Variants in RASGRP1 observed in about 807,000 individuals in gnomAD.
RASGRP1 encodes RAS guanyl-releasing protein 1.
In RASGRP1, 37 loss-of-function variants were observed where a neutral mutation model predicts 95.1. That is an observed-to-expected ratio of 0.39 (90% CI 0.30 to 0.51). The LOEUF (loss-of-function observed/expected upper bound fraction) is 0.51, where lower values mean the gene tolerates loss of function less well. RASGRP1 is among the 20% of genes least tolerant of loss of function. The pLI is 0.80. For missense variants in RASGRP1, 711 were observed against 965.4 expected, an observed-to-expected ratio of 0.74 and a Z score of 3.49; for synonymous variants, 325 against 353.4, an observed-to-expected ratio of 0.92 and a Z score of 0.90.
At position 38,503,435 on chromosome 15, in the gene RASGRP1, C is replaced by T. The variant is rs1474613840; in HGVS notation, c.1324-59G>A. ...TACAATGCAATATTATAACCTATAG[C>T]TCTTTCTTTTCCCACTACCTGACGG... On this transcript the variant is annotated intron_variant, in intron 10 of 16. Coordinates refer to ENST00000310803, the MANE Select transcript of RASGRP1 (RefSeq NM_005739.4). 6 of 1,286,128 alleles carry T rather than the reference C, an allele frequency of 4.7e-6. No homozygotes were observed. The African/African-American group carries it at 5.9e-5, about 13-fold the overall frequency. 79.7% of individuals were successfully genotyped at this position (1,286,128 alleles called of 1,614,324 possible). A position where few individuals can be genotyped will look rare whatever the true frequency, so the allele number is the denominator to read the frequency against.
chr15:38,537,992 G>A (rs542321304), intron 2 of RASGRP1, among the ~76,000 whole-genome samples: 4 of 152,284 alleles, frequency 2.6e-5, no homozygotes, highest in East Asian at 1.9e-4. Context: ...GGCTGGGCAC[G>A]GTGGCTCATG....
intron 6 of RASGRP1, among the ~76,000 whole-genome samples, chr15:38,514,993 G>C (rs963834279): frequency 2.6e-5 from 4 of 152,332 alleles, no homozygotes; most frequent in Admixed American, 2.6e-4. Flanking sequence ...GGGGTGCAGA[G>C]AATGGAGAGT....
At chr15:38,539,982 T>A (rs1892802687) in intron 2 of RASGRP1, among the ~76,000 whole-genome samples, 1 of 152,204 alleles carries the variant, frequency 6.6e-6, no homozygotes, top group African/African-American at 2.4e-5. Flanking sequence ...AGTGGTATAA[T>A]CATGGCTCAC....
At chr15:38,501,000 C>T (rs892101500) in intron 13 of RASGRP1, 143 bp downstream of exon 13, 17 of 986,188 alleles carry the variant, frequency 1.7e-5, no homozygotes, top group Admixed American at 3.0e-5. Flanking sequence ...AAAAACCACA[C>T]GCTTGAGCTC....
Position 38,559,988 on chromosome 15 carries a change from C to A in RASGRP1, c.53G>T (p.Cys18Phe). Residue 18 changes from cysteine (C) to phenylalanine (F), a missense_variant, in exon 2 of 17, where the codon TGC (cysteine) becomes TTC (phenylalanine). This residue lies in a region of RASGRP1 where 491 missense variants were observed against 676.6 expected (regional missense o/e 0.73). Transcript: ENST00000310803. Reference protein sequence around the residue: ...REAPRKPSHGCRAASKARLEA... With the variant: ...REAPRKPSHGFRAASKARLEA... ...TAGTCTTGCTTTAGAGGCAGCTCTG[C>A]AGCCATGGGAAGGTTTCCTGGGGAA... The A allele has an allele frequency of 1.2e-6, 2 of 1,612,072 alleles. No homozygotes were observed. Among genetic ancestry groups the A allele is most frequent in the Non-Finnish European group, 1.7e-6 (2 of 1,179,092 alleles).
At chr15:38,512,280 A>G (rs1007219654) in intron 7 of RASGRP1, among the ~76,000 whole-genome samples, 2 of 152,246 alleles carry the variant, frequency 1.3e-5, no homozygotes. Flanking sequence ...TATATAGGAC[A>G]GTAACTGGGA....
At chr15:38,508,960 A>G (rs1047489075) in intron 8 of RASGRP1, among the ~76,000 whole-genome samples, 4 of 152,218 alleles carry the variant, frequency 2.6e-5, no homozygotes, top group Non-Finnish European at 5.9e-5. Context: ...GTGCATAGTA[A>G]CAAACCCGAT....
chr15:38,491,685 A>C (rs535427708), intron 16 of RASGRP1, among the ~76,000 whole-genome samples: 2 of 152,210 alleles, frequency 1.3e-5, no homozygotes, highest in Non-Finnish European at 2.9e-5. Flanking sequence ...AATTACACAT[A>C]GACTAGTCAT....
chr15:38,546,632 A>G (rs1394860895), intron 2 of RASGRP1, among the ~76,000 whole-genome samples: 1 of 152,188 alleles, frequency 6.6e-6, no homozygotes, highest in African/African-American at 2.4e-5. Context: ...ACATTAAGAC[A>G]CCGGCTAAGG....
intron 6 of RASGRP1, among the ~76,000 whole-genome samples, chr15:38,515,605 A>G (rs1406120141): frequency 1.3e-5 from 2 of 152,114 alleles, no homozygotes; most frequent in Admixed American, 6.6e-5. Context: ...GTTTTGGGTC[A>G]GCACAGCTTA....
chr15:38,499,859 T>A (rs1452936974), intron 14 of RASGRP1, among the ~76,000 whole-genome samples: 1 of 152,192 alleles, frequency 6.6e-6, no homozygotes, highest in East Asian at 1.9e-4. Flanking sequence ...TGAGATCTGT[T>A]GGCTTCATAA....
rs549867449 is a variant in RASGRP1, at chr15:38,500,168, A to G, written c.1684-29T>C. On this transcript the variant is annotated intron_variant, in intron 13 of 16. Transcript: ENST00000310803. The stretch of plus-strand genomic sequence containing the variant: ...TGAAACAAGAGACAGAATGCACCAC[A>G]TGTCATTCATCCATCTGGTGTGAGG... 14 of 1,610,622 alleles carry G rather than the reference A, an allele frequency of 8.7e-6. No homozygotes were observed. In the African/African-American group the frequency reaches 1.7e-4, roughly 20 times the overall value.
At chr15:38,530,919 C>T (rs1293355509) in intron 2 of RASGRP1, among the ~76,000 whole-genome samples, 1 of 151,994 alleles carries the variant, frequency 6.6e-6, no homozygotes, top group East Asian at 1.9e-4. Context: ...AAAGGCAGCA[C>T]CAGAGTAGAT....
chr15:38,561,682 G>A (rs1453589517), intron 1 of RASGRP1, among the ~76,000 whole-genome samples: 4 of 152,200 alleles, frequency 2.6e-5, no homozygotes, highest in East Asian at 3.8e-4. Flanking sequence ...GCTCCAGGGC[G>A]CTGGTCTGCA....
intron 2 of RASGRP1, among the ~76,000 whole-genome samples, chr15:38,532,880 G>T (rs956863869): frequency 7.2e-5 from 11 of 152,068 alleles, no homozygotes; most frequent in Admixed American, 6.5e-5. Context: ...GCTCCCTGAT[G>T]ATCAGAGTCT....
chr15:38,542,886 CATATATGTGTATATATAT>C, intron 2 of RASGRP1, among the ~76,000 whole-genome samples: 1 of 128,892 alleles, frequency 7.8e-6, no homozygotes, highest in South Asian at 2.4e-4. Context: ...TATATATACA[CATATATGTGTATATATAT>C]ACACATATAT....
intron 6 of RASGRP1, among the ~76,000 whole-genome samples, chr15:38,515,974 A>G (rs1248808761): frequency 5.3e-5 from 8 of 149,832 alleles, no homozygotes; most frequent in Non-Finnish European, 1.2e-4. Flanking sequence ...GTGGGATGGT[A>G]TGGGGCGGGG....
chr15:38,489,419 C>G lies in RASGRP1; in HGVS notation c.*1135G>C. ...AATTTTACCTTGTGAGCAATTTAAT[C>G]TTGTGACAAACTGAACTTTATATTT... On this transcript the variant is annotated 3_prime_UTR_variant, in exon 17 of 17. Transcript: ENST00000310803. The G allele has an allele frequency of 6.6e-6, 1 of 152,196 alleles. No homozygotes were observed. Among genetic ancestry groups the G allele is most frequent in the East Asian group, 1.9e-4 (1 of 5,198 alleles). The allele number at this position is 152,196 out of a possible 1,614,324, so 9.4% of individuals were successfully genotyped here.
Position 38,503,446 on chromosome 15 carries a change from C to T in RASGRP1, c.1324-70G>A, listed in dbSNP as rs191687816. 1.6e-4 allele frequency: 185 copies of T among 1,159,894 alleles called. No homozygotes were observed. The African/African-American group carries it at 2.5e-3, about 15-fold the overall frequency. 71.9% of individuals were successfully genotyped at this position (1,159,894 alleles called of 1,614,324 possible). The stretch of plus-strand genomic sequence containing the variant: ...ATTATAACCTATAGCTCTTTCTTTT[C>T]CCACTACCTGACGGTTACATTTATG... On this transcript the variant is annotated intron_variant, in intron 10 of 16. Transcript: ENST00000310803.
Sources: allele counts gnomAD v4.1 joint callset (sites outside exome capture counted in the v4.1 genomes callset), GRCh38; gene constraint gnomAD v4.1.1; regional missense constraint gnomAD v4.1.1; transcripts MANE v1.5; gene names NCBI Gene and HGNC (gene_info 2026-07-23, HGNC 2026-07-21).